IDO2: variants seen among roughly 807,000 people sequenced by gnomAD.
The protein encoded by IDO2 is indoleamine 2,3-dioxygenase 2, also known as indoleamine 2,3-dioxygenase-like 1 protein.
IDO2 carries 46 observed loss-of-function variants against 45.1 expected under a neutral mutation model. The observed-to-expected ratio is 1.02, with a 90% CI of 0.80 to 1.30. The LOEUF is 1.30. Among genes scored for constraint, IDO2 ranks in the 50% most tolerant of loss-of-function variants. The probability of loss-of-function intolerance (pLI) is 0.00; values close to 1 mark genes in which losing one functional copy is unlikely to be tolerated. For missense variants in IDO2, 544 were observed against 491.8 expected, an observed-to-expected ratio of 1.11 and a Z score of -1.00; for synonymous variants, 218 against 184.9, an observed-to-expected ratio of 1.18 and a Z score of -1.45.
chr8:39,951,419 G>A (rs963049794), intron 2 of IDO2, among the ~76,000 whole-genome samples: 2 of 151,968 alleles, frequency 1.3e-5, no homozygotes, highest in African/African-American at 4.8e-5. Context: ...GTTAGGTACT[G>A]GATGGACGCC....
chr8:39,935,013 A>T lies in IDO2; in HGVS notation c.-223A>T. The T allele has an allele frequency of 1.4e-6, 1 of 698,802 alleles. No homozygotes were observed. Among genetic ancestry groups the T allele is most frequent in the South Asian group, 1.6e-5 (1 of 61,478 alleles). 43.3% of individuals were successfully genotyped at this position (698,802 alleles called of 1,614,324 possible). On this transcript the variant is annotated 5_prime_UTR_variant, in exon 1 of 11. The change abolishes an upstream ATG in the 5' untranslated region. Coordinates refer to ENST00000502986, the Ensembl canonical transcript of IDO2. ...ACAGAGAGTCCACAATGAGATGAAA[A>T]TGCACTGCCAGTTGAAACATCCTCC...
In IDO2 at chr8:39,982,802, A is replaced by G; in HGVS notation, c.434+32A>G. On this transcript the variant is annotated intron_variant, in intron 5 of 10. Coordinates refer to ENST00000502986, the Ensembl canonical transcript of IDO2. ...AAGGAAGAGAATGCTTTGAATTTCCATAACTTTCCCCCAGGAAACACCCAG... is the reference window on the plus strand; with the variant it reads ...AAGGAAGAGAATGCTTTGAATTTCCGTAACTTTCCCCCAGGAAACACCCAG... 8 of 1,356,014 alleles carry G rather than the reference A, an allele frequency of 5.9e-6. No homozygotes were observed. In the East Asian group the frequency reaches 7.3e-5, roughly 12 times the overall value. The allele number at this position is 1,356,014 out of a possible 1,614,324, so 84.0% of individuals were successfully genotyped here. A position where few individuals can be genotyped will look rare whatever the true frequency, so the allele number is the denominator to read the frequency against.
intron 8 of IDO2, among the ~76,000 whole-genome samples, chr8:40,000,065 CTTATT>C (rs1486950109): frequency 6.6e-6 from 1 of 152,128 alleles, no homozygotes; most frequent in African/African-American, 2.4e-5. Flanking sequence ...TTTTTAAAGA[CTTATT>C]TAATTTAAGG....
At chr8:39,938,797 T>A (rs546189844) in intron 1 of IDO2, among the ~76,000 whole-genome samples, 1 of 152,244 alleles carries the variant, frequency 6.6e-6, no homozygotes, top group Admixed American at 6.5e-5. Context: ...AGAAACCCCA[T>A]CAAAGAAGAA....
chr8:39,966,706 A>G (rs1402497388), intron 3 of IDO2, among the ~76,000 whole-genome samples: 2 of 152,236 alleles, frequency 1.3e-5, no homozygotes, highest in African/African-American at 4.8e-5. Context: ...TTTCCTAGGA[A>G]GACATGATCA....
At chr8:39,962,253 T>C (rs1033957392) in intron 2 of IDO2, among the ~76,000 whole-genome samples, 3 of 152,200 alleles carry the variant, frequency 2.0e-5, no homozygotes, top group African/African-American at 7.2e-5. Context: ...AATTTAATAA[T>C]CACATCATTT....
At position 39,987,608 on chromosome 8, in the gene IDO2, C is replaced by T. The variant is rs151132223; in HGVS notation, c.450-263C>T. Reference sequence around the variant, plus strand: ...TCTCATTCAGCCAGTTATTCCACTGCGGAGATGGTCCAGGACCATTAGGGC... The same window carrying T: ...TCTCATTCAGCCAGTTATTCCACTGTGGAGATGGTCCAGGACCATTAGGGC... On this transcript the variant is annotated intron_variant, in intron 6 of 10. Transcript: ENST00000502986. 8.9e-4 allele frequency: 303 copies of T among 341,950 alleles called. 1 individual carries two copies. Among genetic ancestry groups the T allele is most frequent in the Non-Finnish European group, 4.5e-4 (84 of 186,690 alleles). 21.2% of individuals were successfully genotyped at this position (341,950 alleles called of 1,614,324 possible).
At chr8:39,938,596 C>G (rs1242209359) in intron 1 of IDO2, among the ~76,000 whole-genome samples, 1 of 151,932 alleles carries the variant, frequency 6.6e-6, no homozygotes, top group African/African-American at 2.4e-5. Context: ...CTCTATATCA[C>G]ATATCAATAT....
chr8:40,010,486 TC>T (rs1395429361), intron 9 of IDO2, among the ~76,000 whole-genome samples: 1 of 152,130 alleles, frequency 6.6e-6, no homozygotes, highest in Admixed American at 6.5e-5. Flanking sequence ...CAGTTGCAAA[TC>T]ATCTCTGTAT....
intron 3 of IDO2, among the ~76,000 whole-genome samples, chr8:39,965,889 TTAATTTG>T (rs2129593904): frequency 1.6e-5 from 1 of 63,250 alleles, no homozygotes; most frequent in African/African-American, 3.6e-5. Context: ...TATTGATACC[TTAATTTG>T]GGACTTCTAT....
exon 1 of IDO2, chr8:39,935,102 A>C (rs1034163293): frequency 2.0e-6 from 2 of 1,018,374 alleles, no homozygotes; most frequent in East Asian, 2.4e-5. Context: ...TTAGAAATGT[A>C]CCATAATACA....
intron 4 of IDO2, 59 bp downstream of exon 4, chr8:39,979,245 C>T (rs1275866568): frequency 3.2e-6 from 5 of 1,546,860 alleles, no homozygotes; most frequent in Non-Finnish European, 4.4e-6. Context: ...CCTGGAGTAA[C>T]GTGCTCCCTG....
At position 39,987,991 on chromosome 8, in the gene IDO2, A is replaced by G. The variant is rs111949516; in HGVS notation, c.549+21A>G. ...TAAAGGTATCTTCTCACTTGATAGCACCTTTTCTTTTTAAATGAGCTTGAG... is the reference window on the plus strand; with the variant it reads ...TAAAGGTATCTTCTCACTTGATAGCGCCTTTTCTTTTTAAATGAGCTTGAG... On this transcript the variant is annotated intron_variant, in intron 7 of 10. Transcript: ENST00000502986. The G allele has an allele frequency of 1.4e-5, 20 of 1,428,608 alleles. No homozygotes were observed. The African/African-American group carries it at 2.0e-4, about 14-fold the overall frequency. 88.5% of individuals were successfully genotyped at this position (1,428,608 alleles called of 1,614,324 possible). A position where few individuals can be genotyped will look rare whatever the true frequency, so the allele number is the denominator to read the frequency against.
chr8:40,013,685 C>A (rs1802342642), exon 10 of IDO2: 1 of 1,611,698 alleles, frequency 6.2e-7, no homozygotes, highest in African/African-American at 1.3e-5. Context: ...TTGATGAGTT[C>A]TTAGGCATTC....
rs1042044032 is a variant in IDO2, at chr8:40,008,861, G to A, written c.719+3483G>A. Among the ~76,000 whole-genome samples, 3 of 152,176 alleles carry A rather than the reference G, an allele frequency of 2.0e-5. No homozygotes were observed. The East Asian group carries it at 5.8e-4, about 29-fold the overall frequency. On this transcript the variant is annotated intron_variant, in intron 9 of 10. Transcript: ENST00000502986. Reference sequence around the variant, plus strand: ...CTCAAAATATTTCCCATGTAGCTAAGTGGCCAGTACCGAATCCTACATGCA... The same window carrying A: ...CTCAAAATATTTCCCATGTAGCTAAATGGCCAGTACCGAATCCTACATGCA...
At chr8:39,992,318 C>T (rs529375043) in intron 8 of IDO2, among the ~76,000 whole-genome samples, 6 of 152,302 alleles carry the variant, frequency 3.9e-5, no homozygotes, top group South Asian at 2.1e-4. Flanking sequence ...GCTGTGCAAA[C>T]GACACAGGCA....
At chr8:39,971,135 A>C (rs976187019) in intron 3 of IDO2, among the ~76,000 whole-genome samples, 2 of 152,164 alleles carry the variant, frequency 1.3e-5, no homozygotes, top group African/African-American at 4.8e-5. Context: ...GTTAGGGGCT[A>C]GTGCAGCTGG....
intron 7 of IDO2, 75 bp from the exon 8 acceptor site, chr8:39,989,646 C>A: frequency 9.8e-7 from 1 of 1,023,016 alleles, no homozygotes; most frequent in Non-Finnish European, 1.4e-6. Context: ...TGGGTTCCAA[C>A]AGTATGAGGC....
At chr8:39,938,588 C>G (rs1284710200) in intron 1 of IDO2, among the ~76,000 whole-genome samples, 3 of 151,974 alleles carry the variant, frequency 2.0e-5, no homozygotes, top group South Asian at 2.1e-4. Flanking sequence ...ATGACAAGCT[C>G]TATATCACAT....
Sources: gnomAD v4.1 joint callset for allele counts (sites outside exome capture counted in the v4.1 genomes callset) on GRCh38, gnomAD v4.1.1 for gene constraint, MANE v1.5 for transcripts, NCBI Gene and HGNC (gene_info 2026-07-23, HGNC 2026-07-21) for gene names.